Variants in RPN2 observed in about 807,000 individuals in gnomAD.
RPN2 encodes the protein ribophorin II.
A neutral mutation model predicts 71.4 loss-of-function variants in RPN2; 29 were observed. That is an observed-to-expected ratio of 0.41 (90% CI 0.30 to 0.55). The LOEUF is 0.55. Ranked by LOEUF, RPN2 falls within the 20% of genes least tolerant of loss-of-function variation. RPN2 has a pLI of 0.35. For synonymous variants in RPN2, 308 were observed against 305.0 expected, an observed-to-expected ratio of 1.01 and a Z score of -0.10; for missense variants, 726 against 774.1, an observed-to-expected ratio of 0.94 and a Z score of 0.74.
intron 14 of RPN2, 121 bp downstream of exon 14, chr20:37,232,512 T>C: frequency 8.5e-7 from 1 of 1,176,348 alleles, no homozygotes; most frequent in Non-Finnish European, 1.3e-6. Flanking sequence ...CCAGCAGCTG[T>C]GACCTGAATT....
intron 2 of RPN2, among the ~76,000 whole-genome samples, chr20:37,193,109 G>A (rs1338132050): frequency 6.6e-6 from 1 of 152,066 alleles, no homozygotes; most frequent in African/African-American, 2.4e-5. Flanking sequence ...GCCTGTGTGA[G>A]AGGGCAAGAC....
At chr20:37,213,286 G>T (rs1382358917) in intron 8 of RPN2, among the ~76,000 whole-genome samples, 1 of 152,198 alleles carries the variant, frequency 6.6e-6, no homozygotes, top group Non-Finnish European at 1.5e-5. Context: ...TGGAAACCTA[G>T]GGGTGTTCAT....
intron 8 of RPN2, among the ~76,000 whole-genome samples, chr20:37,211,621 G>T (rs1271944257): frequency 6.9e-6 from 1 of 145,646 alleles, no homozygotes; most frequent in African/African-American, 2.5e-5. Context: ...CAGCCTGGGC[G>T]ACAGAGCGAG....
At chr20:37,227,577 T>G (rs1254283012) in intron 11 of RPN2, among the ~76,000 whole-genome samples, 1 of 152,264 alleles carries the variant, frequency 6.6e-6, no homozygotes, top group African/African-American at 2.4e-5. Context: ...TGTTCAGGTA[T>G]AGATTAACAC....
intron 9 of RPN2, among the ~76,000 whole-genome samples, chr20:37,219,114 T>G (rs1245211551): frequency 6.6e-6 from 1 of 152,240 alleles, no homozygotes; most frequent in Non-Finnish European, 1.5e-5. Flanking sequence ...TCAAAGCAGC[T>G]GCACCATTTT....
intron 7 of RPN2, among the ~76,000 whole-genome samples, 154 bp from the exon 8 acceptor site, chr20:37,209,893 G>T (rs796873150): frequency 3.3e-5 from 5 of 152,314 alleles, no homozygotes; most frequent in African/African-American, 1.2e-4. Context: ...TTCACTTTAG[G>T]ATTAGGCAGC....
At chr20:37,187,787 C>T (rs1224158207) in intron 2 of RPN2, among the ~76,000 whole-genome samples, 18 of 151,954 alleles carry the variant, frequency 1.2e-4, no homozygotes, top group African/African-American at 3.4e-4. Flanking sequence ...ATTACAGACG[C>T]GCACCACCAT....
intron 7 of RPN2, among the ~76,000 whole-genome samples, chr20:37,207,782 A>G (rs767817870): frequency 2.0e-5 from 3 of 152,108 alleles, no homozygotes; most frequent in Non-Finnish European, 4.4e-5. Flanking sequence ...CCTGGGTTCA[A>G]GTGATTCTTG....
At chr20:37,228,843 C>T (rs1483147845) in intron 12 of RPN2, 99 bp downstream of exon 12, 11 of 1,077,142 alleles carry the variant, frequency 1.0e-5, no homozygotes, top group South Asian at 2.6e-5. Flanking sequence ...CTTCGCCTTG[C>T]CTGTGCCTCC....
intron 2 of RPN2, among the ~76,000 whole-genome samples, chr20:37,196,971 C>G (rs2067269792): frequency 6.6e-6 from 1 of 152,070 alleles, no homozygotes; most frequent in South Asian, 2.1e-4. Context: ...CTGGCCTCTC[C>G]TGGGAGGACT....
At chr20:37,196,256 T>G (rs2067255395) in intron 2 of RPN2, among the ~76,000 whole-genome samples, 1 of 149,562 alleles carries the variant, frequency 6.7e-6, no homozygotes. Flanking sequence ...TGAGACGGAG[T>G]CTCGCTCTGT....
chr20:37,213,622 C>T, intron 8 of RPN2, 138 bp from the exon 9 acceptor site: 1 of 713,742 alleles, frequency 1.4e-6, no homozygotes, highest in Admixed American at 2.1e-5. Context: ...CGAGATTGCC[C>T]AAGTGGGGTG....
chr20:37,228,055 A>C (rs1057494321), intron 11 of RPN2, among the ~76,000 whole-genome samples: 1 of 152,160 alleles, frequency 6.6e-6, no homozygotes, highest in Non-Finnish European at 1.5e-5. Context: ...TCTCCATGAC[A>C]CTGGGCTGCT....
intron 2 of RPN2, among the ~76,000 whole-genome samples, chr20:37,194,249 A>C (rs543861735): frequency 5.1e-4 from 52 of 101,698 alleles, no homozygotes; most frequent in Admixed American, 4.5e-3. Flanking sequence ...AGAAGGGTTG[A>C]GGGAAATTGT....
intron 2 of RPN2, among the ~76,000 whole-genome samples, chr20:37,187,725 C>T (rs1407793409): frequency 6.6e-6 from 1 of 152,074 alleles, no homozygotes; most frequent in African/African-American, 2.4e-5. Flanking sequence ...ACTGTGACCT[C>T]TGCCTCCCGG....
Position 37,189,114 on chromosome 20 carries a change from T to C in RPN2, c.207+4741T>C, listed in dbSNP as rs531348693. Among the ~76,000 whole-genome samples the C allele has an allele frequency of 1.7e-4, 26 of 152,132 alleles. No individual in the cohort carries two copies. The East Asian group carries it at 4.3e-3, about 25-fold the overall frequency. On this transcript the variant is annotated intron_variant, in intron 2 of 16. Coordinates refer to ENST00000237530, the MANE Select transcript of RPN2 (RefSeq NM_002951.5). The stretch of plus-strand genomic sequence containing the variant: ...ACGCCTGGCTAATTTTTGTGTTTTT[T>C]GGTAGTGACAGGATTTTGCCATGTT...
intron 1 of RPN2, among the ~76,000 whole-genome samples, chr20:37,181,521 T>C (rs1038265463): frequency 6.6e-6 from 1 of 150,642 alleles, no homozygotes; most frequent in Admixed American, 6.7e-5. Flanking sequence ...CCAGATCAAG[T>C]GATTCTCGTG....
intron 4 of RPN2, among the ~76,000 whole-genome samples, chr20:37,201,250 C>T (rs1347243520): frequency 7.1e-6 from 1 of 140,874 alleles, no homozygotes; most frequent in Non-Finnish European, 1.5e-5. Context: ...TTACTTCCTT[C>T]GTTGTTGTTA....
chr20:37,200,477 TTC>T (rs540465315), intron 4 of RPN2: 31 of 533,308 alleles, frequency 5.8e-5, no homozygotes, highest in African/African-American at 5.6e-4. Context: ...TGGAATCCCG[TTC>T]GTTGTTTAGC....
Sources: allele counts gnomAD v4.1 joint callset (sites outside exome capture counted in the v4.1 genomes callset), GRCh38; gene constraint gnomAD v4.1.1; transcripts MANE v1.5; gene names NCBI Gene and HGNC (gene_info 2026-07-23, HGNC 2026-07-21).